The following CNTN5 variants were observed in gnomAD, a reference collection of about 807,000 sequenced individuals.
The protein encoded by CNTN5 is contactin 5.
CNTN5 carries 77 observed loss-of-function variants against 129.1 expected under a neutral mutation model. The observed-to-expected ratio is 0.60, with a 90% CI of 0.50 to 0.72. The LOEUF (loss-of-function observed/expected upper bound fraction) is 0.72. CNTN5 is among the 30% of genes least tolerant of loss of function. CNTN5 has a pLI of 0.00. For missense variants in CNTN5, 1,478 were observed against 1,328.8 expected (o/e 1.11, Z -1.75); for synonymous variants, 509 against 465.6 (o/e 1.09, Z -1.20).
chr11:100,019,100 T>C (rs964579699), intron 9 of CNTN5, among the ~76,000 whole-genome samples: 1 of 151,956 alleles, frequency 6.6e-6, no homozygotes, highest in Non-Finnish European at 1.5e-5. Context: ...TGGGACTGTC[T>C]TTTTATTGCC....
intron 9 of CNTN5, among the ~76,000 whole-genome samples, chr11:100,009,204 G>A (rs1050324784): frequency 5.3e-5 from 8 of 152,010 alleles, no homozygotes; most frequent in Non-Finnish European, 8.8e-5. Context: ...TGAATTTAGC[G>A]AAAATTCAGA....
intron 1 of CNTN5, among the ~76,000 whole-genome samples, chr11:99,111,947 C>G (rs1319379553): frequency 6.6e-6 from 1 of 151,986 alleles, no homozygotes; most frequent in Non-Finnish European, 1.5e-5. Flanking sequence ...ATGCAGTTCA[C>G]TAAGCATATT....
intron 6 of CNTN5, among the ~76,000 whole-genome samples, chr11:99,900,187 C>T (rs1949317844): frequency 6.9e-6 from 1 of 144,242 alleles, no homozygotes; most frequent in African/African-American, 2.5e-5. Context: ...TTCTTTTTAT[C>T]TTTTTTTTTT....
At chr11:99,533,116 A>C (rs1494479) in intron 2 of CNTN5, among the ~76,000 whole-genome samples, 23,660 of 152,170 alleles carry the variant, frequency 0.16, 2,330 homozygotes, top group African/African-American at 0.28. Context: ...CCAGCTATTC[A>C]GGAGTCTGAG....
chr11:99,757,796 T>C (rs1324102416), intron 3 of CNTN5, among the ~76,000 whole-genome samples: 1 of 152,072 alleles, frequency 6.6e-6, no homozygotes, highest in East Asian at 1.9e-4. Flanking sequence ...TAGTTAATCT[T>C]TCTGGTTATA....
Position 99,801,683 on chromosome 11 carries a change from G to A in CNTN5, c.56-17861G>A, listed in dbSNP as rs546412667. 2.9e-4 allele frequency among the ~76,000 whole-genome samples: 44 copies of A among 152,072 alleles called. No individual in the cohort carries two copies. In the South Asian group the frequency reaches 9.1e-3, roughly 32 times the overall value. On this transcript the variant is annotated intron_variant, in intron 3 of 24. Coordinates refer to ENST00000524871, the MANE Select transcript of CNTN5 (RefSeq NM_014361.4). ...GGCTTATTTGAAAAGATCGGTTTAA[G>A]CTGTGAAATTCTTTCTTGTGCTTGG...
chr11:99,420,965 G>A (rs1591653820), intron 2 of CNTN5, among the ~76,000 whole-genome samples: 2 of 152,126 alleles, frequency 1.3e-5, no homozygotes, highest in Admixed American at 6.5e-5. Flanking sequence ...TCGGAAGCAT[G>A]GATAGCAGGG....
At chr11:99,359,595 A>T (rs1183974005) in intron 2 of CNTN5, among the ~76,000 whole-genome samples, 1 of 149,012 alleles carries the variant, frequency 6.7e-6, no homozygotes, top group African/African-American at 2.4e-5. Context: ...TATATGAAAA[A>T]ATATATTATA....
chr11:99,193,610 A>G (rs1858752762), intron 1 of CNTN5, among the ~76,000 whole-genome samples: 2 of 152,194 alleles, frequency 1.3e-5, no homozygotes, highest in South Asian at 2.1e-4. Flanking sequence ...TAAAAGAGCC[A>G]TAATTTAAAA....
At chr11:99,573,430 C>T (rs1043774123) in intron 3 of CNTN5, among the ~76,000 whole-genome samples, 25 of 151,726 alleles carry the variant, frequency 1.6e-4, no homozygotes, top group Middle Eastern at 3.4e-3. Context: ...ATTAGCCGGG[C>T]GTGGTGGCAG....
chr11:99,426,757 G>T (rs1943139568), intron 2 of CNTN5, among the ~76,000 whole-genome samples: 3 of 152,070 alleles, frequency 2.0e-5, no homozygotes, highest in Admixed American at 2.0e-4. Flanking sequence ...CTAATTTGTG[G>T]CCTTGTATCT....
At chr11:99,768,627 G>T (rs991954366) in intron 3 of CNTN5, among the ~76,000 whole-genome samples, 7 of 152,068 alleles carry the variant, frequency 4.6e-5, no homozygotes, top group Non-Finnish European at 8.8e-5. Flanking sequence ...TTTACGTGAT[G>T]ATTTCCTCTT....
At chr11:99,355,020 C>T (rs1481998113) in intron 2 of CNTN5, among the ~76,000 whole-genome samples, 2 of 152,202 alleles carry the variant, frequency 1.3e-5, no homozygotes, top group African/African-American at 4.8e-5. Flanking sequence ...GCTGTTATCT[C>T]TGTCTGGAAA....
chr11:99,505,028 C>A (rs141492960), intron 2 of CNTN5, among the ~76,000 whole-genome samples: 1 of 152,014 alleles, frequency 6.6e-6, no homozygotes, highest in African/African-American at 2.4e-5. Flanking sequence ...TCCTTTTTGT[C>A]CCACTTCTGA....
chr11:99,493,587 C>A (rs184598688), intron 2 of CNTN5, among the ~76,000 whole-genome samples: 7 of 152,054 alleles, frequency 4.6e-5, no homozygotes, highest in African/African-American at 1.7e-4. Context: ...AGCAGTGACT[C>A]AAACAAATTC....
At chr11:99,176,437 G>T (rs1030542174) in intron 1 of CNTN5, among the ~76,000 whole-genome samples, 3 of 152,092 alleles carry the variant, frequency 2.0e-5, no homozygotes, top group African/African-American at 7.2e-5. Flanking sequence ...CTACTTGAAT[G>T]TATAATAGAC....
intron 15 of CNTN5, among the ~76,000 whole-genome samples, chr11:100,214,066 T>C (rs1040612821): frequency 6.6e-6 from 1 of 152,202 alleles, no homozygotes; most frequent in African/African-American, 2.4e-5. Flanking sequence ...ATGACAAATA[T>C]GTATCTCATA....
chr11:99,864,699 A>T (rs189823367), intron 6 of CNTN5, among the ~76,000 whole-genome samples: 1 of 152,220 alleles, frequency 6.6e-6, no homozygotes, highest in East Asian at 1.9e-4. Flanking sequence ...ACTTCTTTTG[A>T]TAGGTGTCAT....
chr11:99,741,572 T>G (rs1172970828), intron 3 of CNTN5, among the ~76,000 whole-genome samples: 1 of 152,122 alleles, frequency 6.6e-6, no homozygotes, highest in African/African-American at 2.4e-5. Flanking sequence ...GTTCTTAAAC[T>G]TGTATCAAGT....
Sources: gnomAD v4.1 joint callset for allele counts (sites outside exome capture counted in the v4.1 genomes callset) on GRCh38, gnomAD v4.1.1 for gene constraint, MANE v1.5 for transcripts, NCBI Gene and HGNC (gene_info 2026-07-23, HGNC 2026-07-21) for gene names.